The following NAF1 variants were observed in gnomAD, a reference collection of about 807,000 sequenced individuals.
The protein encoded by NAF1 is H/ACA ribonucleoprotein complex non-core subunit NAF1.
Under a neutral mutation model 40.6 loss-of-function variants are expected in NAF1, and 11 were observed. The ratio of observed to expected loss-of-function variants is 0.27; its 90% CI spans 0.17 to 0.45. NAF1 has a LOEUF of 0.45. Ranked by LOEUF, NAF1 falls within the 20% of genes least tolerant of loss-of-function variation. The probability of loss-of-function intolerance (pLI) is 1.00; values close to 1 mark genes in which losing one functional copy is unlikely to be tolerated. For synonymous variants in NAF1, 260 were observed against 228.5 expected (o/e 1.14, Z -1.24); for missense variants, 607 against 611.1 (o/e 0.99, Z 0.07).
At chr4:163,134,926 G>A (rs184615101) in intron 6 of NAF1, 32 of 152,176 alleles carry the variant, frequency 2.1e-4, no homozygotes, top group African/African-American at 7.7e-4. Context: ...TTTTAATTGG[G>A]AATAGTTTAT....
intron 7 of NAF1, among the ~76,000 whole-genome samples, chr4:163,131,966 CAAT>C (rs1730892444): frequency 6.6e-6 from 1 of 152,166 alleles, no homozygotes; most frequent in Non-Finnish European, 1.5e-5. Context: ...GAAAGATGTT[CAAT>C]GCCATTAGCC....
chr4:163,139,153 A>C (rs1731162485), intron 5 of NAF1, among the ~76,000 whole-genome samples: 1 of 152,110 alleles, frequency 6.6e-6, no homozygotes, highest in African/African-American at 2.4e-5. Context: ...TGGTATAAGT[A>C]ATCTTCTTAT....
At chr4:163,138,209 T>C (rs1427059288) in intron 5 of NAF1, among the ~76,000 whole-genome samples, 2 of 152,136 alleles carry the variant, frequency 1.3e-5, no homozygotes, top group Non-Finnish European at 1.5e-5. Context: ...AGTTATTAAG[T>C]TTGCTTTAAA....
intron 4 of NAF1, among the ~76,000 whole-genome samples, chr4:163,142,909 T>C (rs1386175369): frequency 6.6e-6 from 1 of 152,190 alleles, no homozygotes; most frequent in African/African-American, 2.4e-5. Flanking sequence ...GAGGCACCCA[T>C]ATCCCTTCTT....
At chr4:163,139,771 T>C (rs1201721565) in intron 5 of NAF1, among the ~76,000 whole-genome samples, 4 of 152,118 alleles carry the variant, frequency 2.6e-5, no homozygotes, top group Admixed American at 1.3e-4. Context: ...TTAAAATTTA[T>C]AAGCAAAATA....
At chr4:163,114,096 G>C (rs1730251383) in intron 2 of NAF1, among the ~76,000 whole-genome samples, 1 of 152,242 alleles carries the variant, frequency 6.6e-6, no homozygotes, top group Non-Finnish European at 1.5e-5. Flanking sequence ...GACTGGAAGA[G>C]AATGGAGAAA....
the NAF1 span, among the ~76,000 whole-genome samples, chr4:163,104,104 G>T: frequency 3.9e-5 from 6 of 152,128 alleles, no homozygotes; most frequent in African/African-American, 1.4e-4. Context: ...AAGGTGCTCA[G>T]TGGGGGAGGT....
intron 2 of NAF1, among the ~76,000 whole-genome samples, chr4:163,160,793 T>C (rs1732186706): frequency 6.6e-6 from 1 of 152,182 alleles, no homozygotes; most frequent in South Asian, 2.1e-4. Flanking sequence ...CTTTAATTTG[T>C]GTATATCTTT....
intron 2 of NAF1, among the ~76,000 whole-genome samples, chr4:163,153,109 C>A (rs1018873300): frequency 1.3e-5 from 2 of 152,236 alleles, no homozygotes; most frequent in African/African-American, 2.4e-5. Flanking sequence ...ACCTGCAGCC[C>A]GCCATGCCTG....
At chr4:163,148,572 T>C in intron 2 of NAF1, 138 bp from the exon 3 acceptor site, 1 of 582,066 alleles carries the variant, frequency 1.7e-6, no homozygotes, top group East Asian at 3.2e-5. Flanking sequence ...GTTATCATTT[T>C]AGTGGTTGCA....
chr4:163,105,935 T>C (rs533075139), downstream of NAF1, among the ~76,000 whole-genome samples: 1 of 152,352 alleles, frequency 6.6e-6, no homozygotes, highest in South Asian at 2.1e-4. Context: ...ATGAGCAAGT[T>C]GCCAATTATA....
chr4:163,127,542 T>G (rs1730701741), downstream of NAF1, among the ~76,000 whole-genome samples: 1 of 152,224 alleles, frequency 6.6e-6, no homozygotes, highest in South Asian at 2.1e-4. Flanking sequence ...TTTTAGTGCT[T>G]TTAGATATAA....
At chr4:163,151,710 T>C (rs925058594) in intron 2 of NAF1, among the ~76,000 whole-genome samples, 47 of 152,022 alleles carry the variant, frequency 3.1e-4, no homozygotes, top group Non-Finnish European at 5.4e-4. Context: ...CCCCTTGGAA[T>C]TTTTTTTAAC....
chr4:163,165,472 T>A (rs374718938), intron 1 of NAF1, among the ~76,000 whole-genome samples: 1 of 152,350 alleles, frequency 6.6e-6, no homozygotes, highest in African/African-American at 2.4e-5. Context: ...ATGATTATAC[T>A]GCAATCTTAG....
Position 163,166,839 on chromosome 4 carries a change from C to G in NAF1, c.-112G>C. On this transcript the variant is annotated 5_prime_UTR_variant, in exon 1 of 8. Coordinates refer to ENST00000274054, the MANE Select transcript of NAF1 (RefSeq NM_138386.3). ...GGCAACCGCAGCAACACTGCCTGGG[C>G]CCAACTTCCCGCGTTTCTCAGGTAA... The G allele has an allele frequency of 1.4e-6, 2 of 1,404,244 alleles. 1 individual carries two copies. The highest frequency in any genetic ancestry group is 1.9e-6 in the Non-Finnish European group (2 of 1,053,714). 87.0% of individuals were successfully genotyped at this position (1,404,244 alleles called of 1,614,324 possible).
intron 2 of NAF1, among the ~76,000 whole-genome samples, chr4:163,115,568 C>G (rs1195763586): frequency 6.6e-6 from 1 of 152,042 alleles, no homozygotes; most frequent in Non-Finnish European, 1.5e-5. Flanking sequence ...TTTTGCCAAT[C>G]TGATACACTC....
chr4:163,160,207 T>C (rs972253750), intron 2 of NAF1, among the ~76,000 whole-genome samples: 7 of 152,318 alleles, frequency 4.6e-5, no homozygotes, highest in African/African-American at 1.7e-4. Flanking sequence ...AGAATTTATG[T>C]TTAAAAGAAT....
intron 7 of NAF1, among the ~76,000 whole-genome samples, chr4:163,132,844 C>T (rs1560787042): frequency 6.6e-6 from 1 of 152,192 alleles, no homozygotes; most frequent in African/African-American, 2.4e-5. Context: ...AAATAAGACA[C>T]TGTGATTTAG....
intron 4 of NAF1, chr4:163,141,965 C>A (rs1731279051): frequency 5.2e-6 from 5 of 969,628 alleles, no homozygotes; most frequent in Non-Finnish European, 6.1e-6. Context: ...GATATGTGTA[C>A]TCTAAAAAGA....
Sources: allele counts gnomAD v4.1 joint callset (sites outside exome capture counted in the v4.1 genomes callset), GRCh38; gene constraint gnomAD v4.1.1; transcripts MANE v1.5; gene names NCBI Gene and HGNC (gene_info 2026-07-23, HGNC 2026-07-21).